Variants in ITPR1 observed in about 807,000 individuals in gnomAD.
ITPR1 encodes the protein inositol 1,4,5-trisphosphate-gated calcium channel ITPR1.
In ITPR1, 96 loss-of-function variants were observed where a neutral mutation model predicts 318.4. The observed-to-expected ratio is 0.30, with a 90% confidence interval of 0.26 to 0.36. The LOEUF (loss-of-function observed/expected upper bound fraction) is 0.36. Among genes scored for constraint, ITPR1 ranks in the 10% least tolerant of loss-of-function variants. The pLI is 1.00. For synonymous variants in ITPR1, 1,312 were observed against 1,289.9 expected, an observed-to-expected ratio of 1.02 and a Z score of -0.37; for missense variants, 2,440 against 3,460.2, an observed-to-expected ratio of 0.71 and a Z score of 7.40.
intron 45 of ITPR1, among the ~76,000 whole-genome samples, chr3:4,767,704 G>C (rs1412014610): frequency 2.0e-5 from 3 of 152,132 alleles, no homozygotes; most frequent in African/African-American, 7.2e-5. Context: ...ACAATTTTTT[G>C]TTTTGTAGAG....
At chr3:4,568,873 CT>C (rs1370857949) in intron 4 of ITPR1, among the ~76,000 whole-genome samples, 1 of 152,104 alleles carries the variant, frequency 6.6e-6, no homozygotes, top group Admixed American at 6.6e-5. Context: ...GCTCACAGTT[CT>C]GCAGTCTGTA....
Position 4,691,635 on chromosome 3 carries a change from A to G in ITPR1, c.4029+291A>G, listed in dbSNP as rs80031233. Among the ~76,000 whole-genome samples the G allele has an allele frequency of 6.8e-3, 1,028 of 151,424 alleles. 10 individuals carry two copies. The highest frequency in any genetic ancestry group is 0.023 in the African/African-American group (964 of 41,392). On this transcript the variant is annotated intron_variant, in intron 32 of 61. Coordinates refer to ENST00000649015, the MANE Select transcript of ITPR1 (RefSeq NM_001378452.1). ...ACTGAATTATAGGGAATGGAGATAA[A>G]ATGTAGTCAGGACCCAGTGAGCCAG...
intron 44 of ITPR1, among the ~76,000 whole-genome samples, chr3:4,760,994 A>C (rs761768764): frequency 5.3e-5 from 8 of 152,202 alleles, no homozygotes; most frequent in Non-Finnish European, 8.8e-5. Flanking sequence ...GTCTGCGGGG[A>C]CCATTCTGTC....
intron 55 of ITPR1, among the ~76,000 whole-genome samples, chr3:4,808,204 A>G (rs1262153169): frequency 1.3e-5 from 2 of 152,204 alleles, no homozygotes; most frequent in African/African-American, 4.8e-5. Context: ...ACTCTTCTCT[A>G]CACACTCTCA....
intron 2 of ITPR1, among the ~76,000 whole-genome samples, chr3:4,499,387 T>C (rs2080850347): frequency 6.6e-6 from 1 of 152,196 alleles, no homozygotes; most frequent in Non-Finnish European, 1.5e-5. Flanking sequence ...TGAACATCTT[T>C]TTAATAAACA....
intron 4 of ITPR1, among the ~76,000 whole-genome samples, chr3:4,530,285 C>G (rs9784369): frequency 0.013 from 1,913 of 152,296 alleles, 36 homozygotes; most frequent in African/African-American, 0.044. Context: ...ACTCCTGGCC[C>G]AGCACCTGGC....
chr3:4,846,083 C>A, intron 61 of ITPR1, 56 bp from the exon 62 acceptor site: 3 of 1,007,116 alleles, frequency 3.0e-6, no homozygotes, highest in Admixed American at 2.4e-5. Context: ...GTTCAGTATG[C>A]GATTTGACGT....
intron 23 of ITPR1, among the ~76,000 whole-genome samples, chr3:4,675,839 CTT>C (rs887184283): frequency 5.9e-5 from 9 of 152,152 alleles, no homozygotes; most frequent in African/African-American, 2.2e-4. Context: ...AATACATTGA[CTT>C]ATCTCTATTT....
At chr3:4,677,212 G>A (rs4685797) in intron 24 of ITPR1, among the ~76,000 whole-genome samples, 61,104 of 151,906 alleles carry the variant, frequency 0.4, 13,046 homozygotes, top group Non-Finnish European at 0.48. Context: ...AATATTTATT[G>A]AGACCAACTC....
chr3:4,676,215 C>A (rs1041302158), intron 23 of ITPR1, among the ~76,000 whole-genome samples: 10 of 151,362 alleles, frequency 6.6e-5, no homozygotes, highest in African/African-American at 2.2e-4. Context: ...TGTGGTGATG[C>A]ATGCCTATAG....
At chr3:4,623,303 C>T (rs1003385071) in intron 4 of ITPR1, among the ~76,000 whole-genome samples, 5 of 152,246 alleles carry the variant, frequency 3.3e-5, no homozygotes, top group Admixed American at 2.0e-4. Context: ...TTAACGCCTG[C>T]TTCAACCCCT....
At chr3:4,680,455 C>T in intron 24 of ITPR1, 98 bp from the exon 25 acceptor site, 3 of 1,032,646 alleles carry the variant, frequency 2.9e-6, no homozygotes, top group Non-Finnish European at 4.4e-6. Flanking sequence ...GTAATTGATG[C>T]AGCTGATACC....
At chr3:4,500,058 T>G (rs993178679) in intron 2 of ITPR1, among the ~76,000 whole-genome samples, 2 of 152,366 alleles carry the variant, frequency 1.3e-5, no homozygotes, top group Non-Finnish European at 2.9e-5. Context: ...TCCTGAGATT[T>G]CGACACAGCC....
chr3:4,551,198 C>T (rs2085531968), intron 4 of ITPR1, among the ~76,000 whole-genome samples: 1 of 152,156 alleles, frequency 6.6e-6, no homozygotes, highest in South Asian at 2.1e-4. Context: ...TGTTTTGTTG[C>T]TCTTATTCTT....
At chr3:4,677,505 G>T (rs1317870318) in intron 24 of ITPR1, among the ~76,000 whole-genome samples, 2 of 152,120 alleles carry the variant, frequency 1.3e-5, no homozygotes, top group Non-Finnish European at 2.9e-5. Flanking sequence ...CAGATATCTT[G>T]GGAAAGGGTA....
intron 4 of ITPR1, among the ~76,000 whole-genome samples, chr3:4,534,919 A>G (rs1001816817): frequency 6.6e-6 from 1 of 152,216 alleles, no homozygotes; most frequent in African/African-American, 2.4e-5. Flanking sequence ...TCACTTGAGA[A>G]CTTTGCTTCG....
chr3:4,677,792 G>A (rs1015173910), intron 24 of ITPR1, among the ~76,000 whole-genome samples: 6 of 151,996 alleles, frequency 3.9e-5, no homozygotes, highest in African/African-American at 1.5e-4. Context: ...TACAGGGAGA[G>A]TTTGTTGCTG....
intron 32 of ITPR1, 56 bp from the exon 33 acceptor site, chr3:4,693,434 C>T: frequency 6.4e-7 from 1 of 1,572,294 alleles, no homozygotes; most frequent in Non-Finnish European, 8.7e-7. Context: ...AGATTTTTTT[C>T]ATGCTGCCCC....
chr3:4,775,116 C>T (rs1483937509), intron 46 of ITPR1, 126 bp from the exon 47 acceptor site: 2 of 750,388 alleles, frequency 2.7e-6, no homozygotes, highest in African/African-American at 1.7e-5. Flanking sequence ...CTCTTCCATG[C>T]TCTCCCACGT....
Sources: gnomAD v4.1 joint callset for allele counts (sites outside exome capture counted in the v4.1 genomes callset) on GRCh38, gnomAD v4.1.1 for gene constraint, MANE v1.5 for transcripts, NCBI Gene and HGNC (gene_info 2026-07-23, HGNC 2026-07-21) for gene names.